Variants in H2BC18 observed in about 807,000 individuals in gnomAD.
The protein encoded by H2BC18 is H2B clustered histone 18.
H2BC18 carries 8 observed loss-of-function variants against 6.3 expected under a neutral mutation model. The ratio of observed to expected loss-of-function variants is 1.28; its 90% CI spans 0.75 to 2.31. The LOEUF is 2.31. Ranked by LOEUF, H2BC18 falls within the 30% of genes most tolerant of loss-of-function variation. The pLI, the probability that H2BC18 is intolerant of heterozygous loss-of-function variation, is 0.00. For missense variants in H2BC18, 106 were observed against 174.5 expected (o/e 0.61, Z 2.21); for synonymous variants, 104 against 78.1 (o/e 1.33, Z -1.75).
At position 149,812,337 on chromosome 1, in the gene H2BC18, AAG is replaced by A. The variant is rs2091989670; in HGVS notation, c.-16_-15del. 2 of 1,614,034 alleles carry A rather than the reference AAG, an allele frequency of 1.2e-6. No individual in the cohort carries two copies. ...TGGATCCGGCATTTTTGCGCGAAAAAAGAGAAAAGAGACTTAAAGAAGTAATC... is the reference window on the plus strand; with the variant it reads ...TGGATCCGGCATTTTTGCGCGAAAAAAGAAAAGAGACTTAAAGAAGTAATC... On this transcript the variant is annotated 5_prime_UTR_variant, in exon 1 of 1. Transcript: ENST00000369167.
chr1:149,807,494 A>G, downstream of H2BC18, among the ~76,000 whole-genome samples: 1 of 99,068 alleles, frequency 1.0e-5, no homozygotes, highest in Non-Finnish European at 1.8e-5. Flanking sequence ...CCTGTCTGGG[A>G]AAAGAAAAAG....
chr1:149,796,602 A>G (rs1228743561), intron 1 of H2BC18, among the ~76,000 whole-genome samples: 5 of 152,346 alleles, frequency 3.3e-5, no homozygotes, highest in African/African-American at 9.6e-5. Context: ...GTGACCAAAG[A>G]TTGTAAAATT....
At chr1:149,800,073 G>A (rs1385353604) in intron 1 of H2BC18, among the ~76,000 whole-genome samples, 3 of 151,876 alleles carry the variant, frequency 2.0e-5, no homozygotes, top group Non-Finnish European at 2.9e-5. Flanking sequence ...TTCCAAGCTG[G>A]GGTTCCCATG....
At position 149,812,177 on chromosome 1, in the gene H2BC18, G is replaced by A. The variant is rs782141644; in HGVS notation, c.147C>T (p.Val49=). 3.1e-6 allele frequency: 5 copies of A among 1,614,144 alleles called. No homozygotes were observed. The South Asian group carries it at 4.4e-5, about 14-fold the overall frequency. The change falls in exon 1 of 1, where the codon GTC becomes GTT. Residue 49 remains valine (V), a synonymous_variant. Coordinates refer to ENST00000369167, the MANE Select transcript of H2BC18 (RefSeq NM_001024599.5). ...SVYVYKVLKQ[V]HPDTGISSKA... is the part of the protein sequence containing the mutation. ...TGGACGAGATGCCGGTGTCGGGGTG[G>A]ACCTGCTTCAGCACCTTGTACACGT...
chr1:149,784,699 ACTAT>A (rs1214094888), intron 1 of H2BC18, among the ~76,000 whole-genome samples: 1 of 42,810 alleles, frequency 2.3e-5, no homozygotes, highest in Non-Finnish European at 5.5e-5. Context: ...TTATATATAA[ACTAT>A]ATATATATAT....
At position 149,812,141 on chromosome 1, in the gene H2BC18, G is replaced by A. The variant is rs781937324; in HGVS notation, c.183C>T (p.Gly61=). The A allele has an allele frequency of 3.1e-6, 5 of 1,614,274 alleles. No individual in the cohort carries two copies. The highest frequency in any genetic ancestry group is 1.1e-5 in the South Asian group (1 of 91,092). ...TGTCGTTGACGAAGGAGTTCATGAT[G>A]CCCATGGCCTTGGACGAGATGCCGG... ...PDTGISSKAM[G]IMNSFVNDIF... Residue 61 remains glycine, a synonymous_variant, in exon 1 of 1, where the codon GGC becomes GGT. Coordinates refer to ENST00000369167, the MANE Select transcript of H2BC18 (RefSeq NM_001024599.5).
At chr1:149,800,862 G>C (rs587690461) in intron 1 of H2BC18, among the ~76,000 whole-genome samples, 221 of 152,136 alleles carry the variant, frequency 1.5e-3, no homozygotes, top group African/African-American at 5.2e-3. Context: ...AAGGTCGGTG[G>C]ATCCCTTGAG....
intron 1 of H2BC18, chr1:149,785,546 A>G (rs1355217775): frequency 6.6e-6 from 1 of 151,196 alleles, no homozygotes; most frequent in Non-Finnish European, 1.5e-5. Flanking sequence ...TTCAAGCAGA[A>G]GTGTTTCATG....
intron 1 of H2BC18, among the ~76,000 whole-genome samples, chr1:149,797,061 C>T (rs587734615): frequency 1.8e-4 from 27 of 152,246 alleles, no homozygotes; most frequent in African/African-American, 3.4e-4. Context: ...TATAGGCACA[C>T]GCCACCACAC....
At chr1:149,796,924 G>A (rs2091806454) in intron 1 of H2BC18, among the ~76,000 whole-genome samples, 1 of 152,064 alleles carries the variant, frequency 6.6e-6, no homozygotes, top group South Asian at 2.1e-4. Context: ...GCTTTTGTTT[G>A]TTTTTTGAGA....
At chr1:149,787,185 G>A (rs2102041692) in intron 1 of H2BC18, 2 of 152,260 alleles carry the variant, frequency 1.3e-5, no homozygotes, top group South Asian at 4.1e-4. Flanking sequence ...AATTCTATTT[G>A]GAAGCATTAT....
chr1:149,806,556 C>A (rs1196364289), intron 1 of H2BC18, among the ~76,000 whole-genome samples: 1 of 151,916 alleles, frequency 6.6e-6, no homozygotes, highest in Non-Finnish European at 1.5e-5. Flanking sequence ...CCACTGCACT[C>A]CAGCCTGGAC....
intron 1 of H2BC18, chr1:149,788,236 G>C: frequency 6.2e-7 from 1 of 1,603,334 alleles, no homozygotes; most frequent in Middle Eastern, 2.3e-4. Context: ...ACTGGATATA[G>C]GCCTGAGATT....
At chr1:149,798,515 G>C (rs2091825103) in intron 1 of H2BC18, among the ~76,000 whole-genome samples, 1 of 150,478 alleles carries the variant, frequency 6.6e-6, no homozygotes, top group Admixed American at 6.6e-5. Context: ...ATGTATCCTT[G>C]TTAAATGCAA....
Position 149,791,139 on chromosome 1 carries a change from A to T in H2BC18, c.378-7879T>A. On this transcript the variant is annotated intron_variant, in intron 1 of 1. Transcript: ENST00000545683. Reference sequence around the variant, plus strand: ...GACCAGTGCCTCCCTGAGGACAGGCACATCAGGTCTCAGCCAACCTTCCCT... The same window carrying T: ...GACCAGTGCCTCCCTGAGGACAGGCTCATCAGGTCTCAGCCAACCTTCCCT... 18 of 1,591,196 alleles carry T rather than the reference A, an allele frequency of 1.1e-5. 3 individuals carry two copies. The Middle Eastern group carries it at 6.9e-4, about 61-fold the overall frequency.
At chr1:149,796,207 T>C (rs1184833393) in intron 1 of H2BC18, among the ~76,000 whole-genome samples, 1 of 152,198 alleles carries the variant, frequency 6.6e-6, no homozygotes, top group Admixed American at 6.5e-5. Flanking sequence ...ACATGTATAC[T>C]ACTCAACACT....
At chr1:149,801,872 T>TC (rs1458199409) in intron 1 of H2BC18, among the ~76,000 whole-genome samples, 3 of 152,024 alleles carry the variant, frequency 2.0e-5, no homozygotes, top group East Asian at 1.9e-4. Flanking sequence ...AGACTCAAAT[T>TC]CCCCCCTCCC....
chr1:149,791,648 C>T, intron 1 of H2BC18: 2 of 1,471,568 alleles, frequency 1.4e-6, no homozygotes, highest in South Asian at 2.7e-5. Flanking sequence ...ACTCTTAAAG[C>T]AAATAAATGA....
rs587661527 is a variant in H2BC18 at position 149,795,958 on chromosome 1, G to A, written c.378-12698C>T. Among the ~76,000 whole-genome samples, 1,035 of 151,018 alleles carry A rather than the reference G, an allele frequency of 6.9e-3. 20 individuals are homozygous for A. Among genetic ancestry groups the A allele is most frequent in the African/African-American group, 0.024 (969 of 40,710 alleles). On this transcript the variant is annotated intron_variant, in intron 1 of 1. Transcript: ENST00000545683. Reference sequence around the variant, plus strand: ...ACACATATACATTAAGCTTGGCAACGGAAAGCAGGATGTCACACACACACA... The same window carrying A: ...ACACATATACATTAAGCTTGGCAACAGAAAGCAGGATGTCACACACACACA...
Sources: gnomAD v4.1 joint callset for allele counts (sites outside exome capture counted in the v4.1 genomes callset) on GRCh38, gnomAD v4.1.1 for gene constraint, MANE v1.5 for transcripts, NCBI Gene and HGNC (gene_info 2026-07-23, HGNC 2026-07-21) for gene names.